SLC9B1: variants seen among roughly 807,000 people sequenced by gnomAD.
The protein encoded by SLC9B1 is solute carrier family 9 member B1.
SLC9B1 carries 32 observed loss-of-function variants against 51.7 expected under a neutral mutation model. That is an observed-to-expected ratio of 0.62 (90% confidence interval 0.47 to 0.83). The LOEUF (loss-of-function observed/expected upper bound fraction) is 0.83. Ranked by LOEUF, SLC9B1 falls within the 40% of genes least tolerant of loss-of-function variation. SLC9B1 has a pLI of 0.00. For synonymous variants in SLC9B1, 145 were observed against 212.7 expected (o/e 0.68, Z 2.77); for missense variants, 406 against 613.2 (o/e 0.66, Z 3.57).
At chr4:102,905,699 T>C in intron 10 of SLC9B1, 49 bp from the exon 11 acceptor site, 5 of 1,535,828 alleles carry the variant, frequency 3.3e-6, no homozygotes, top group Non-Finnish European at 4.5e-6. Context: ...TGTGAAGAAG[T>C]GTTCTTCATG....
intron 3 of SLC9B1, among the ~76,000 whole-genome samples, chr4:102,955,177 C>T (rs1737722263): frequency 6.6e-6 from 1 of 152,132 alleles, no homozygotes; most frequent in Admixed American, 6.6e-5. Flanking sequence ...GGGTGGTTCC[C>T]CCCATACTGT....
intron 3 of SLC9B1, among the ~76,000 whole-genome samples, chr4:102,973,820 C>T (rs1317383462): frequency 2.6e-5 from 4 of 152,058 alleles, no homozygotes; most frequent in Non-Finnish European, 5.9e-5. Context: ...AAGTGAAATA[C>T]TACATAACAA....
chr4:102,946,935 A>T, intron 4 of SLC9B1, 146 bp from the exon 5 acceptor site: 1 of 625,922 alleles, frequency 1.6e-6, no homozygotes, highest in Non-Finnish European at 2.7e-6. Flanking sequence ...CAGCATGAAT[A>T]AAGGAATGGC....
intron 11 of SLC9B1, among the ~76,000 whole-genome samples, 191 bp downstream of exon 11, chr4:102,905,323 C>T (rs1470117555): frequency 2.0e-5 from 3 of 152,038 alleles, no homozygotes; most frequent in African/African-American, 7.2e-5. Flanking sequence ...TGGGTTCAAG[C>T]GATTCTCCCA....
intron 11 of SLC9B1, among the ~76,000 whole-genome samples, chr4:102,893,150 C>T (rs1304858017): frequency 5.3e-5 from 8 of 151,506 alleles, no homozygotes; most frequent in Non-Finnish European, 5.9e-5. Context: ...GGCATGATGG[C>T]GGATGCCTGT....
At chr4:102,886,954 G>A (rs1320787235) in intron 11 of SLC9B1, among the ~76,000 whole-genome samples, 2 of 152,166 alleles carry the variant, frequency 1.3e-5, no homozygotes, top group Non-Finnish European at 2.9e-5. Context: ...TGGTATGCAT[G>A]AGTTTTATAG....
intron 3 of SLC9B1, among the ~76,000 whole-genome samples, chr4:102,981,162 C>A (rs1739338278): frequency 6.6e-6 from 1 of 152,110 alleles, no homozygotes; most frequent in Admixed American, 6.6e-5. Context: ...TCCAAGTTGT[C>A]TCATTGCTTG....
At chr4:102,963,303 C>T in intron 3 of SLC9B1, 2 of 286,726 alleles carry the variant, frequency 7.0e-6, no homozygotes, top group South Asian at 7.3e-5. Context: ...TCTGCCACCA[C>T]AGCCTTCTCT....
At chr4:102,965,198 G>A (rs143381612) in intron 3 of SLC9B1, among the ~76,000 whole-genome samples, 23 of 152,214 alleles carry the variant, frequency 1.5e-4, no homozygotes, top group African/African-American at 5.3e-4. Flanking sequence ...TTTGTTTTAT[G>A]TTGTTATAAT....
intron 7 of SLC9B1, among the ~76,000 whole-genome samples, chr4:102,911,781 C>T (rs1239015872): frequency 1.3e-5 from 2 of 151,810 alleles, no homozygotes; most frequent in Non-Finnish European, 1.5e-5. Flanking sequence ...GTAAATAGGC[C>T]AGAAAACAAA....
downstream of SLC9B1, among the ~76,000 whole-genome samples, chr4:102,900,102 C>G (rs1302686753): frequency 1.3e-5 from 2 of 152,090 alleles, no homozygotes; most frequent in Non-Finnish European, 2.9e-5. Flanking sequence ...TAATACCTTG[C>G]TTGTGGAGAA....
chr4:102,983,023 GTAGA>G (rs1290696101), intron 3 of SLC9B1, among the ~76,000 whole-genome samples: 3 of 152,068 alleles, frequency 2.0e-5, no homozygotes, highest in Non-Finnish European at 2.9e-5. Flanking sequence ...TAGGATTTTA[GTAGA>G]TAGTTTTTAT....
rs765334280 is a variant in SLC9B1, at chr4:102,989,907, T to G, written c.104A>C (p.Glu35Ala). 25 of 1,595,632 alleles carry G rather than the reference T, an allele frequency of 1.6e-5. No homozygotes were observed. Among genetic ancestry groups the G allele is most frequent in the Non-Finnish European group, 2.1e-5 (25 of 1,166,448 alleles). The stretch of plus-strand genomic sequence containing the variant: ...TGTATCTGATAAGACAGTTTTAGTT[T>G]CTTCCTGTGCAGTATTATTAGGATC... ...LIDPNNTAQEETKTVLSDTEE... is the reference protein window; with the variant it reads ...LIDPNNTAQEATKTVLSDTEE... The change falls in exon 3 of 12, where the codon GAA (glutamate) becomes GCA (alanine). Residue 35 changes from glutamate to alanine, a missense_variant. Coordinates refer to ENST00000296422, the MANE Select transcript of SLC9B1 (RefSeq NM_139173.4).
At chr4:102,909,930 C>T (rs566499752) in intron 9 of SLC9B1, among the ~76,000 whole-genome samples, 4 of 151,982 alleles carry the variant, frequency 2.6e-5, no homozygotes, top group South Asian at 4.1e-4. Context: ...CCTCAGCCTC[C>T]TGAGTAGCTG....
intron 6 of SLC9B1, among the ~76,000 whole-genome samples, chr4:102,941,964 G>A (rs1737025973): frequency 6.6e-6 from 1 of 152,044 alleles, no homozygotes; most frequent in East Asian, 1.9e-4. Flanking sequence ...TAACGTTTCA[G>A]GATACAAAAT....
At chr4:102,991,011 G>A (rs536168780) in intron 2 of SLC9B1, among the ~76,000 whole-genome samples, 3 of 152,032 alleles carry the variant, frequency 2.0e-5, no homozygotes, top group Non-Finnish European at 4.4e-5. Context: ...GAAAGGTCAT[G>A]TAGAGTAAAA....
chr4:102,960,974 C>T (rs4699040), intron 3 of SLC9B1, among the ~76,000 whole-genome samples: 82,400 of 151,546 alleles, frequency 0.54, 22,919 homozygotes, highest in African/African-American at 0.68. Context: ...TCAGGTGATC[C>T]GCCCGCCTCA....
At chr4:102,899,918 A>G (rs1734710598), downstream of SLC9B1, among the ~76,000 whole-genome samples, 2 of 152,178 alleles carry the variant, frequency 1.3e-5, no homozygotes, top group Non-Finnish European at 2.9e-5. Flanking sequence ...ATTCTCCCAG[A>G]GTGTATTTTC....
intron 9 of SLC9B1, among the ~76,000 whole-genome samples, chr4:102,909,703 T>TA (rs1735243305): frequency 6.7e-6 from 1 of 149,582 alleles, no homozygotes. Context: ...ACTGGTTACT[T>TA]AAAAAAATGT....
Sources: gnomAD v4.1 joint callset for allele counts (sites outside exome capture counted in the v4.1 genomes callset) on GRCh38, gnomAD v4.1.1 for gene constraint, MANE v1.5 for transcripts, NCBI Gene and HGNC (gene_info 2026-07-23, HGNC 2026-07-21) for gene names.